The following PDE4D variants were observed in gnomAD, a reference collection of about 807,000 sequenced individuals.
The protein encoded by PDE4D is 3',5'-cyclic-AMP phosphodiesterase 4D.
A neutral mutation model predicts 87.4 loss-of-function variants in PDE4D; 24 were observed. The observed-to-expected ratio is 0.27, with a 90% confidence interval of 0.20 to 0.39. The LOEUF is 0.39. Ranked by LOEUF, PDE4D falls within the 10% of genes least tolerant of loss-of-function variation. The pLI is 1.00. For missense variants in PDE4D, 714 were observed against 1,041.0 expected, an observed-to-expected ratio of 0.69 and a Z score of 4.32; for synonymous variants, 384 against 383.2, an observed-to-expected ratio of 1.00 and a Z score of -0.02.
rs545766463 is a variant in PDE4D, at chr5:58,974,840, T to C, written c.2254A>G (p.Ser752Gly). 1.5e-5 allele frequency: 24 copies of C among 1,613,432 alleles called. No individual in the cohort carries two copies. In the South Asian group the frequency reaches 2.4e-4, roughly 16 times the overall value. ...GTGTCTTCTTCCACTTGACTGCCAC[T>C]GTCCTTTTCCGTGTCTGACTCACCA... The part of the protein sequence containing the change: ...EDGESDTEKD[S>G]GSQVEEDTSC... The change falls in exon 15 of 15, where the codon AGT (serine) becomes GGT (glycine). Residue 752 changes from serine to glycine, a missense_variant. Coordinates refer to ENST00000340635, the MANE Select transcript of PDE4D (RefSeq NM_001104631.2).
chr5:60,445,793 T>C (rs1201114333), intron 1 of PDE4D, among the ~76,000 whole-genome samples: 1 of 152,152 alleles, frequency 6.6e-6, no homozygotes, highest in Non-Finnish European at 1.5e-5. Context: ...AAGTCTCATG[T>C]TAAATGTTCT....
intron 1 of PDE4D, among the ~76,000 whole-genome samples, chr5:59,333,974 G>T (rs899155250): frequency 2.0e-5 from 3 of 151,900 alleles, no homozygotes; most frequent in Non-Finnish European, 4.4e-5. Context: ...TGCAGGTCTT[G>T]TTTATGAGGA....
intron 2 of PDE4D, among the ~76,000 whole-genome samples, chr5:60,129,734 T>C (rs1466573040): frequency 6.6e-6 from 1 of 152,216 alleles, no homozygotes; most frequent in Non-Finnish European, 1.5e-5. Flanking sequence ...TAGCCATTAA[T>C]CAATGTTGTC....
chr5:59,711,237 A>T (rs544266693), intron 1 of PDE4D, among the ~76,000 whole-genome samples: 57 of 152,232 alleles, frequency 3.7e-4, no homozygotes, highest in Non-Finnish European at 6.9e-4. Context: ...GACATATCAC[A>T]CTTCCAGGGA....
At chr5:59,856,463 T>C (rs1178608919) in intron 1 of PDE4D, among the ~76,000 whole-genome samples, 1 of 152,194 alleles carries the variant, frequency 6.6e-6, no homozygotes, top group Non-Finnish European at 1.5e-5. Flanking sequence ...CACACATCAA[T>C]GGAAAAATAA....
chr5:59,412,128 C>A (rs1792791800), intron 1 of PDE4D, among the ~76,000 whole-genome samples: 1 of 152,132 alleles, frequency 6.6e-6, no homozygotes, highest in South Asian at 2.1e-4. Context: ...TACTTTAAAG[C>A]ATAAAATATT....
chr5:59,625,078 A>G (rs566688175), intron 1 of PDE4D, among the ~76,000 whole-genome samples: 1 of 152,336 alleles, frequency 6.6e-6, no homozygotes, highest in South Asian at 2.1e-4. Context: ...AAGGTTACTA[A>G]TCAGCTGACC....
At chr5:59,691,284 A>G (rs145154017) in intron 1 of PDE4D, among the ~76,000 whole-genome samples, 1 of 152,140 alleles carries the variant, frequency 6.6e-6, no homozygotes, top group African/African-American at 2.4e-5. Flanking sequence ...TGTTTATTGC[A>G]GCACTATTCA....
Position 60,022,587 on chromosome 5 carries a change from CTGTCTA to C in PDE4D, c.43-33876_43-33871del, listed in dbSNP as rs1477733759. The C allele has an allele frequency of 2.0e-5, 3 of 152,300 alleles. No homozygotes were observed. In the East Asian group the frequency reaches 5.8e-4, roughly 29 times the overall value. The allele number at this position is 152,300 out of a possible 1,614,324, so 9.4% of individuals were successfully genotyped here. ...TCTTGAGAGCATCCCAGCTCTCTCT[CTGTCTA>C]AGATGTCACATCCCTCATTACATCT... On this transcript the variant is annotated intron_variant, in intron 2 of 16. Coordinates refer to the PDE4D transcript ENST00000502484.
intron 5 of PDE4D, among the ~76,000 whole-genome samples, chr5:59,058,735 A>C (rs968558099): frequency 5.3e-5 from 8 of 151,894 alleles, no homozygotes; most frequent in Admixed American, 5.3e-4. Context: ...TCCACTCCCA[A>C]CAGAACAGAC....
chr5:59,697,511 T>C (rs1384691408), intron 1 of PDE4D, among the ~76,000 whole-genome samples: 1 of 152,206 alleles, frequency 6.6e-6, no homozygotes, highest in Non-Finnish European at 1.5e-5. Flanking sequence ...GTTATGTTCC[T>C]GCACTACATA....
At chr5:60,166,167 T>A (rs1012915132) in intron 2 of PDE4D, among the ~76,000 whole-genome samples, 1 of 152,194 alleles carries the variant, frequency 6.6e-6, no homozygotes, top group Non-Finnish European at 1.5e-5. Context: ...CGATCTCAGC[T>A]CCCTGCAAGC....
chr5:59,642,112 A>G (rs867253620), intron 1 of PDE4D, among the ~76,000 whole-genome samples: 2 of 152,144 alleles, frequency 1.3e-5, no homozygotes, highest in Admixed American at 1.3e-4. Flanking sequence ...GGAGATACAT[A>G]TAGAATGATT....
At chr5:60,229,406 A>G (rs936236777) in intron 1 of PDE4D, among the ~76,000 whole-genome samples, 1 of 152,164 alleles carries the variant, frequency 6.6e-6, no homozygotes, top group Non-Finnish European at 1.5e-5. Context: ...GTCAGTCACA[A>G]TGTTTTATCC....
intron 6 of PDE4D, among the ~76,000 whole-genome samples, chr5:59,009,193 T>G (rs1006406346): frequency 6.6e-6 from 1 of 152,024 alleles, no homozygotes; most frequent in Non-Finnish European, 1.5e-5. Flanking sequence ...AAAAGTAGAG[T>G]GACCATATGA....
At chr5:60,103,701 C>A (rs1296424697) in intron 2 of PDE4D, among the ~76,000 whole-genome samples, 1 of 152,126 alleles carries the variant, frequency 6.6e-6, no homozygotes, top group African/African-American at 2.4e-5. Flanking sequence ...TTTAATCTTT[C>A]AAGAGGAAGA....
At chr5:59,758,245 C>T (rs1012814594) in intron 1 of PDE4D, among the ~76,000 whole-genome samples, 5 of 152,086 alleles carry the variant, frequency 3.3e-5, no homozygotes, top group Non-Finnish European at 7.4e-5. Context: ...ATGTAAAGTA[C>T]GGTTAACAAT....
intron 1 of PDE4D, among the ~76,000 whole-genome samples, chr5:60,274,661 G>A (rs373841027): frequency 2.6e-4 from 40 of 152,142 alleles, no homozygotes; most frequent in Admixed American, 5.2e-4. Context: ...ATGTCCAGCC[G>A]GATTATCACT....
In PDE4D at chr5:59,849,075, T is replaced by A. The variant is rs184063738; in HGVS notation, c.455+44093A>T. 3.9e-5 allele frequency among the ~76,000 whole-genome samples: 6 copies of A among 152,162 alleles called. No individual in the cohort carries two copies. The East Asian group carries it at 1.2e-3, about 30-fold the overall frequency. ...TCCAGAATATGAAACCTGTAAAAAT[T>A]GTTTTTTTACAGATATACAACTGTT... On this transcript the variant is annotated intron_variant, in intron 1 of 14. Coordinates refer to ENST00000340635, the MANE Select transcript of PDE4D (RefSeq NM_001104631.2).
Sources: allele counts gnomAD v4.1 joint callset (sites outside exome capture counted in the v4.1 genomes callset), GRCh38; gene constraint gnomAD v4.1.1; transcripts MANE v1.5; gene names NCBI Gene and HGNC (gene_info 2026-07-23, HGNC 2026-07-21).